NAALAD2: variants seen among roughly 807,000 people sequenced by gnomAD.
NAALAD2 encodes the protein N-acetylated alpha-linked acidic dipeptidase 2.
Under a neutral mutation model 95.6 loss-of-function variants are expected in NAALAD2, and 89 were observed. The observed-to-expected ratio is 0.93, with a 90% CI of 0.78 to 1.11. The LOEUF is 1.11. NAALAD2 is among the 50% of genes least tolerant of loss of function. The probability of loss-of-function intolerance (pLI) is 0.00; values close to 1 mark genes in which losing one functional copy is unlikely to be tolerated. For synonymous variants in NAALAD2, 264 were observed against 294.4 expected, an observed-to-expected ratio of 0.90 and a Z score of 1.06; for missense variants, 894 against 872.4, an observed-to-expected ratio of 1.02 and a Z score of -0.31.
chr11:90,152,406 G>A lies in NAALAD2; in HGVS notation c.718G>A (p.Gly240Arg). 6.2e-7 allele frequency: 1 copy of A among 1,613,874 alleles called. No homozygotes were observed. Among genetic ancestry groups the A allele is most frequent in the Non-Finnish European group, 8.5e-7 (1 of 1,179,882 alleles). The change falls in exon 6 of 19, where the codon GGA (glycine) becomes AGA (arginine). Residue 240 changes from glycine (G) to arginine (R), a missense_variant. By Grantham distance (125) the Gly-to-Arg change is moderately radical. Transcript: ENST00000534061. The stretch of plus-strand genomic sequence containing the variant: ...ATATCCCAAAGGATGGAATCTTCCT[G>A]GAACTGCAGCCCAGAGAGGAAATGT... ...QPYPKGWNLP[G>R]TAAQRGNVLN...
upstream of NAALAD2, among the ~76,000 whole-genome samples, chr11:90,132,626 C>T (rs1460678761): frequency 6.6e-6 from 1 of 152,174 alleles, no homozygotes; most frequent in Non-Finnish European, 1.5e-5. Flanking sequence ...TTATTAAAAT[C>T]CCAGTATTAT....
chr11:90,151,293 GGAAA>G (rs1365055757), intron 5 of NAALAD2, among the ~76,000 whole-genome samples: 8 of 152,092 alleles, frequency 5.3e-5, no homozygotes, highest in African/African-American at 1.9e-4. Context: ...AAAGCACTTA[GGAAA>G]GTGGCTGGTA....
intron 18 of NAALAD2, among the ~76,000 whole-genome samples, chr11:90,183,800 C>A (rs1055125974): frequency 2.6e-5 from 4 of 152,140 alleles, no homozygotes; most frequent in African/African-American, 9.7e-5. Flanking sequence ...CTAGGCCAAG[C>A]TATGATTGTT....
Position 90,163,035 on chromosome 11 carries a change from G to C in NAALAD2, c.1075+1G>C. On this transcript the variant is annotated splice_donor_variant, in intron 9 of 18. Transcript: ENST00000534061. LOFTEE classifies it high-confidence loss of function. ...ACTATCAGAGGATCTGTGGAACCTG[G>C]TGAGTCACATAATTTTTTAAAACAT... 1 of 1,536,622 alleles carries C rather than the reference G, an allele frequency of 6.5e-7. No individual in the cohort carries two copies. The highest frequency in any genetic ancestry group is 1.2e-5 in the South Asian group (1 of 80,450).
chr11:90,168,834 G>T (rs1403261010), intron 11 of NAALAD2, 95 bp from the exon 12 acceptor site: 4 of 1,006,188 alleles, frequency 4.0e-6, no homozygotes, highest in Admixed American at 4.5e-5. Context: ...AAAGATACTT[G>T]TAAACCGCTT....
chr11:90,135,578 C>T lies in NAALAD2; in HGVS notation c.102C>T (p.Leu34=). ...GFMVGWFIKP[L]KETTTSVRYH... ...CCTTAGGCTGGTTTATTAAGCCTCT[C>T]AAAGAAACGACCACTTCTGTGCGCT... Residue 34 remains leucine (L), a synonymous_variant, in exon 2 of 19, where the codon CTC becomes CTT. Transcript: ENST00000534061. 6.2e-7 allele frequency: 1 copy of T among 1,610,268 alleles called. No homozygotes were observed.
upstream of NAALAD2, among the ~76,000 whole-genome samples, chr11:90,132,543 A>C (rs1480741872): frequency 6.6e-6 from 1 of 152,158 alleles, no homozygotes; most frequent in Non-Finnish European, 1.5e-5. Context: ...AATACCCAAA[A>C]TGTTTATATG....
At chr11:90,187,809 T>C (rs755771331) in intron 18 of NAALAD2, among the ~76,000 whole-genome samples, 3 of 152,306 alleles carry the variant, frequency 2.0e-5, no homozygotes, top group Admixed American at 6.5e-5. Flanking sequence ...TGTTCTACCA[T>C]GTAGAATTGA....
intron 11 of NAALAD2, among the ~76,000 whole-genome samples, chr11:90,168,381 C>T (rs1187872873): frequency 6.6e-6 from 1 of 152,230 alleles, no homozygotes; most frequent in Admixed American, 6.5e-5. Context: ...GTGGCACACA[C>T]CTGTAATCCC....
intron 2 of NAALAD2, among the ~76,000 whole-genome samples, chr11:90,138,461 T>A (rs475613): frequency 6.6e-6 from 1 of 152,228 alleles, no homozygotes; most frequent in Admixed American, 6.5e-5. Flanking sequence ...TTCCATCATT[T>A]GCTTTAGTTT....
At chr11:90,155,573 TAA>T (rs544961228) in intron 6 of NAALAD2, among the ~76,000 whole-genome samples, 12,203 of 87,930 alleles carry the variant, frequency 0.14, 1,004 homozygotes, top group Middle Eastern at 0.2. Flanking sequence ...ATATAATATA[TAA>T]TATATATGTA....
At chr11:90,135,055 T>C (rs1951420362) in intron 1 of NAALAD2, 1 of 540,238 alleles carries the variant, frequency 1.9e-6, no homozygotes, top group East Asian at 3.1e-5. Flanking sequence ...AATTCAAATT[T>C]ATTAAATGTT....
chr11:90,151,792 G>A (rs1951894145), intron 5 of NAALAD2, among the ~76,000 whole-genome samples: 1 of 151,940 alleles, frequency 6.6e-6, no homozygotes, highest in African/African-American at 2.4e-5. Flanking sequence ...AAAAACCCTG[G>A]GCTGTTTTTC....
In NAALAD2 at chr11:90,177,880, G is replaced by T; in HGVS notation, c.1621G>T (p.Val541Leu). 1 of 1,613,334 alleles carries T rather than the reference G, an allele frequency of 6.2e-7. No individual in the cohort carries two copies. Among genetic ancestry groups the T allele is most frequent in the Non-Finnish European group, 8.5e-7 (1 of 1,179,800 alleles). ...AACAGATAAGTACAGCAGCTACCCAGTGTACCACACAATTTATGAGACATT... is the reference window on the plus strand; with the variant it reads ...AACAGATAAGTACAGCAGCTACCCATTGTACCACACAATTTATGAGACATT... ...KKTDKYSSYP[V>L]YHTIYETFEL... Residue 541 changes from valine to leucine, a missense_variant, in exon 16 of 19, where the codon GTG becomes TTG. Val to Leu is a conservative substitution (Grantham distance 32). Transcript: ENST00000534061.
At chr11:90,144,748 A>AAAAAAAAAAC (rs1377623622) in intron 2 of NAALAD2, among the ~76,000 whole-genome samples, 3 of 150,780 alleles carry the variant, frequency 2.0e-5, no homozygotes, top group African/African-American at 7.3e-5. Flanking sequence ...ATTAAAAAAA[A>AAAAAAAAAAC]AAAAAAACGG....
rs781566753 is a variant in NAALAD2, at chr11:90,177,978, G to A, written c.1719G>A (p.Leu573=). The stretch of plus-strand genomic sequence containing the variant: ...CTGTGGCTCAATTACGAGGAGCACT[G>A]GTATATGAGCTTGTGGATTCTAAAA... ...QLSVAQLRGA[L]VYELVDSKII... is the part of the protein sequence containing the mutation. Residue 573 remains leucine (L), a synonymous_variant, in exon 16 of 19, where the codon CTG becomes CTA. Transcript: ENST00000534061. The A allele has an allele frequency of 1.2e-6, 2 of 1,613,670 alleles. No homozygotes were observed. The highest frequency in any genetic ancestry group is 2.2e-5 in the South Asian group (2 of 91,052).
At chr11:90,158,925 C>T in intron 7 of NAALAD2, 1 of 281,184 alleles carries the variant, frequency 3.6e-6, no homozygotes, top group Non-Finnish European at 6.7e-6. Flanking sequence ...TTTAGGATAT[C>T]TTGGATTCAG....
At chr11:90,185,599 T>A (rs1325094145) in intron 18 of NAALAD2, among the ~76,000 whole-genome samples, 2 of 152,108 alleles carry the variant, frequency 1.3e-5, no homozygotes, top group Non-Finnish European at 2.9e-5. Flanking sequence ...CACAGGAGCT[T>A]GATGTTACAG....
intron 2 of NAALAD2, among the ~76,000 whole-genome samples, chr11:90,142,242 C>T (rs757739467): frequency 6.6e-6 from 1 of 151,956 alleles, no homozygotes; most frequent in Non-Finnish European, 1.5e-5. Context: ...CAAATTTAAT[C>T]CAGAGGTATG....
Sources: gnomAD v4.1 joint callset for allele counts (sites outside exome capture counted in the v4.1 genomes callset) on GRCh38, gnomAD v4.1.1 for gene constraint, MANE v1.5 for transcripts, NCBI Gene and HGNC (gene_info 2026-07-23, HGNC 2026-07-21) for gene names.